The following CLSTN2 variants were observed in gnomAD, a reference collection of about 807,000 sequenced individuals.
CLSTN2 encodes calsyntenin-2.
Under a neutral mutation model 101.2 loss-of-function variants are expected in CLSTN2, and 48 were observed. The observed-to-expected ratio is 0.47, with a 90% confidence interval of 0.38 to 0.60. The LOEUF is 0.60. Among genes scored for constraint, CLSTN2 ranks in the 20% least tolerant of loss-of-function variants. The pLI, the probability that CLSTN2 is intolerant of heterozygous loss-of-function variation, is 0.00. For missense variants in CLSTN2, 1,160 were observed against 1,238.2 expected, an observed-to-expected ratio of 0.94 and a Z score of 0.95; for synonymous variants, 481 against 463.6, an observed-to-expected ratio of 1.04 and a Z score of -0.48.
chr3:140,035,618 A>G (rs1248085074), intron 1 of CLSTN2, among the ~76,000 whole-genome samples: 4 of 152,168 alleles, frequency 2.6e-5, no homozygotes, highest in Non-Finnish European at 5.9e-5. Flanking sequence ...TACCTGCCTC[A>G]TAGGGTTGTT....
chr3:140,125,937 G>A (rs1463091621), intron 1 of CLSTN2, among the ~76,000 whole-genome samples: 1 of 152,164 alleles, frequency 6.6e-6, no homozygotes, highest in Admixed American at 6.5e-5. Context: ...GGAAGTGAAA[G>A]TGTCATCGGG....
chr3:140,091,160 C>T (rs1560091748), intron 1 of CLSTN2, among the ~76,000 whole-genome samples: 2 of 152,108 alleles, frequency 1.3e-5, no homozygotes. Flanking sequence ...GATTGTTGTG[C>T]ACAAACATGG....
intron 1 of CLSTN2, among the ~76,000 whole-genome samples, chr3:140,147,959 C>G (rs1458991784): frequency 6.6e-6 from 1 of 152,076 alleles, no homozygotes; most frequent in African/African-American, 2.4e-5. Context: ...ACCTATTTGC[C>G]CTTGAAGGTA....
At chr3:140,358,933 G>A (rs964677635) in intron 2 of CLSTN2, among the ~76,000 whole-genome samples, 4 of 152,110 alleles carry the variant, frequency 2.6e-5, no homozygotes, top group African/African-American at 4.8e-5. Flanking sequence ...GAACAAATGA[G>A]AGAGCAGAGG....
At chr3:140,208,296 T>C (rs768897379) in intron 2 of CLSTN2, among the ~76,000 whole-genome samples, 30 of 152,228 alleles carry the variant, frequency 2.0e-4, no homozygotes, top group Non-Finnish European at 4.0e-4. Flanking sequence ...AAACCTAATT[T>C]CTTTTTAATA....
chr3:140,265,309 G>A (rs1029457688), intron 2 of CLSTN2, among the ~76,000 whole-genome samples: 1 of 152,132 alleles, frequency 6.6e-6, no homozygotes, highest in Non-Finnish European at 1.5e-5. Context: ...TGCACAGGGG[G>A]GCTGAGAAAG....
intron 2 of CLSTN2, among the ~76,000 whole-genome samples, chr3:140,349,061 T>G (rs2087580338): frequency 6.6e-6 from 1 of 152,208 alleles, no homozygotes. Context: ...GTGGGGGTGG[T>G]TCCCCCATTC....
At chr3:140,341,656 G>T (rs955619982) in intron 2 of CLSTN2, among the ~76,000 whole-genome samples, 1 of 152,142 alleles carries the variant, frequency 6.6e-6, no homozygotes, top group African/African-American at 2.4e-5. Context: ...CCCAGCTCAG[G>T]ACCAGGCACA....
chr3:140,305,929 A>G (rs780801949), intron 2 of CLSTN2, among the ~76,000 whole-genome samples: 1 of 152,144 alleles, frequency 6.6e-6, no homozygotes, highest in Admixed American at 6.5e-5. Context: ...GTATTTTTGC[A>G]GTGAACATGT....
chr3:140,026,178 A>T (rs1053627987), intron 1 of CLSTN2, among the ~76,000 whole-genome samples: 1 of 152,218 alleles, frequency 6.6e-6, no homozygotes, highest in Non-Finnish European at 1.5e-5. Flanking sequence ...ATATGTGGCT[A>T]TGGAAAACAT....
At chr3:140,219,419 T>C (rs896569758) in intron 2 of CLSTN2, among the ~76,000 whole-genome samples, 9 of 152,162 alleles carry the variant, frequency 5.9e-5, no homozygotes, top group Admixed American at 3.3e-4. Flanking sequence ...TTCCCGCAGG[T>C]AACCTTTCAA....
chr3:140,509,850 C>A (rs910826229), intron 8 of CLSTN2, among the ~76,000 whole-genome samples: 5 of 152,186 alleles, frequency 3.3e-5, no homozygotes, highest in African/African-American at 7.2e-5. Context: ...AGGGGAGAAG[C>A]TTTGAATTAG....
intron 2 of CLSTN2, among the ~76,000 whole-genome samples, chr3:140,217,520 T>C (rs2010935636): frequency 6.6e-6 from 1 of 152,220 alleles, no homozygotes; most frequent in Admixed American, 6.5e-5. Flanking sequence ...TTTTGTTAAT[T>C]ACTGTGTTCA....
intron 2 of CLSTN2, among the ~76,000 whole-genome samples, chr3:140,362,505 G>A (rs1237015082): frequency 1.3e-5 from 2 of 152,000 alleles, no homozygotes; most frequent in South Asian, 2.1e-4. Flanking sequence ...GACATTAAGA[G>A]CATTAAGAAT....
chr3:140,340,655 A>T (rs2087483274), intron 2 of CLSTN2, among the ~76,000 whole-genome samples: 1 of 152,238 alleles, frequency 6.6e-6, no homozygotes, highest in African/African-American at 2.4e-5. Flanking sequence ...GATGTGGTAC[A>T]TTCGATATAA....
intron 1 of CLSTN2, among the ~76,000 whole-genome samples, chr3:140,163,575 C>T (rs1029019431): frequency 6.6e-6 from 1 of 151,830 alleles, no homozygotes; most frequent in African/African-American, 2.4e-5. Context: ...TCTCTTTGTA[C>T]CCTACCAAGC....
intron 2 of CLSTN2, among the ~76,000 whole-genome samples, chr3:140,244,115 CA>C (rs1241770078): frequency 2.0e-5 from 3 of 152,172 alleles, no homozygotes; most frequent in Admixed American, 6.5e-5. Flanking sequence ...CATCTGAATT[CA>C]GTTGTGGCTA....
chr3:140,295,420 A>C (rs558449643), intron 2 of CLSTN2, among the ~76,000 whole-genome samples: 1 of 152,270 alleles, frequency 6.6e-6, no homozygotes, highest in East Asian at 1.9e-4. Context: ...CTTTACAGAA[A>C]GGCTTCTGCC....
chr3:140,146,145 G>T (rs1262632070), intron 1 of CLSTN2, among the ~76,000 whole-genome samples: 1 of 152,206 alleles, frequency 6.6e-6, no homozygotes, highest in Non-Finnish European at 1.5e-5. Context: ...TGTAAAAAAT[G>T]TGTATGAAGG....
Sources: gnomAD v4.1 joint callset for allele counts (sites outside exome capture counted in the v4.1 genomes callset) on GRCh38, gnomAD v4.1.1 for gene constraint, MANE v1.5 for transcripts, NCBI Gene and HGNC (gene_info 2026-07-23, HGNC 2026-07-21) for gene names.